IP6K3: variants seen among roughly 807,000 people sequenced by gnomAD.
IP6K3 encodes inositol hexakisphosphate kinase 3, also known as ATP:1D-myo-inositol-hexakisphosphate phosphotransferase.
IP6K3 carries 20 observed loss-of-function variants against 28.8 expected under a neutral mutation model. The observed-to-expected ratio is 0.70, with a 90% confidence interval of 0.49 to 1.01. The LOEUF is 1.01. Among genes scored for constraint, IP6K3 ranks in the 50% least tolerant of loss-of-function variants. IP6K3 has a pLI of 0.00. For missense variants in IP6K3, 480 were observed against 537.1 expected, an observed-to-expected ratio of 0.89 and a Z score of 1.05; for synonymous variants, 213 against 221.3, an observed-to-expected ratio of 0.96 and a Z score of 0.33.
chr6:33,747,931 A>G (rs1766957750), upstream of IP6K3, among the ~76,000 whole-genome samples: 1 of 152,048 alleles, frequency 6.6e-6, no homozygotes, highest in Non-Finnish European at 1.5e-5. This position sits in a 1 kb window ranked among gnomAD's most constrained non-coding sequence, Gnocchi z 5.2. Flanking sequence ...TGAGATGTTC[A>G]GGAATCAGGC....
At chr6:33,735,689 G>A in intron 1 of IP6K3, 34 bp from the exon 2 acceptor site, 2 of 1,256,998 alleles carry the variant, frequency 1.6e-6, no homozygotes, top group Non-Finnish European at 2.1e-6. Context: ...GAAGTTATAT[G>A]AGGGAGGTGG....
chr6:33,723,720 A>G (rs1765995817), intron 5 of IP6K3, among the ~76,000 whole-genome samples: 1 of 152,250 alleles, frequency 6.6e-6, no homozygotes, highest in Admixed American at 6.5e-5. Context: ...TTTGAAGATA[A>G]AAAGACAGGC....
chr6:33,743,003 T>C (rs904749172), intron 1 of IP6K3, among the ~76,000 whole-genome samples: 1 of 151,612 alleles, frequency 6.6e-6, no homozygotes, highest in African/African-American at 2.4e-5. Context: ...GAGTGTTGTG[T>C]GGAGGAGGAG....
At chr6:33,760,182 C>T in the IP6K3 span, among the ~76,000 whole-genome samples, 7 of 152,180 alleles carry the variant, frequency 4.6e-5, no homozygotes, top group Admixed American at 2.0e-4. Context: ...AAGCTTTGAC[C>T]CTACATTAGA....
At chr6:33,729,701 C>CT (rs1766249729) in intron 2 of IP6K3, among the ~76,000 whole-genome samples, 1 of 152,146 alleles carries the variant, frequency 6.6e-6, no homozygotes, top group African/African-American at 2.4e-5. Context: ...CAAACAGTTC[C>CT]TTTTTTCTTT....
At position 33,737,402 on chromosome 6, in the gene IP6K3, C is replaced by T. The variant is rs139981930; in HGVS notation, c.-179-1747G>A. Among the ~76,000 whole-genome samples the T allele has an allele frequency of 3.2e-3, 489 of 152,292 alleles. 1 individual carries two copies. Among genetic ancestry groups the T allele is most frequent in the African/African-American group, 6.5e-3 (272 of 41,582 alleles). ...CTGTCACCACCGAGTTATTAATACT[C>T]GCTCCCTCTGCTGGACTCCTGGTCA... On this transcript the variant is annotated intron_variant, in intron 1 of 5. Transcript: ENST00000293756.
At chr6:33,754,170 G>A in the IP6K3 span, among the ~76,000 whole-genome samples, 2 of 152,032 alleles carry the variant, frequency 1.3e-5, no homozygotes, top group African/African-American at 4.8e-5. Flanking sequence ...CAGAGGGAGC[G>A]GCCCCCCAGA....
At chr6:33,760,016 C>T in the IP6K3 span, among the ~76,000 whole-genome samples, 1 of 152,214 alleles carries the variant, frequency 6.6e-6, no homozygotes, top group Non-Finnish European at 1.5e-5. Flanking sequence ...TGGCTAAGGA[C>T]TCAGAGAGGG....
the IP6K3 span, among the ~76,000 whole-genome samples, chr6:33,757,751 G>T: frequency 0.12 from 18,248 of 152,236 alleles, 1,447 homozygotes; most frequent in Middle Eastern, 0.22. Flanking sequence ...CAAGGACAGG[G>T]AGAATAAGCC....
At chr6:33,755,418 G>A in the IP6K3 span, among the ~76,000 whole-genome samples, 1 of 152,244 alleles carries the variant, frequency 6.6e-6, no homozygotes, top group Non-Finnish European at 1.5e-5. Context: ...GCAGCCTCGA[G>A]CAGATGGAGA....
chr6:33,759,666 A>T, the IP6K3 span, among the ~76,000 whole-genome samples: 1 of 152,214 alleles, frequency 6.6e-6, no homozygotes, highest in Non-Finnish European at 1.5e-5. Context: ...GATCGAGACC[A>T]TCCTGGTTAA....
chr6:33,755,292 C>G, the IP6K3 span, among the ~76,000 whole-genome samples: 2 of 152,282 alleles, frequency 1.3e-5, no homozygotes. Context: ...CAGAGCTCCT[C>G]TGGTGCCCTT....
intron 2 of IP6K3, among the ~76,000 whole-genome samples, chr6:33,732,015 C>T (rs191549952): frequency 3.3e-5 from 5 of 152,332 alleles, no homozygotes; most frequent in Admixed American, 2.6e-4. Flanking sequence ...CGAGTAGCTT[C>T]CTGAGCCTCC....
the IP6K3 span, among the ~76,000 whole-genome samples, chr6:33,761,378 C>A: frequency 2.6e-5 from 4 of 152,128 alleles, no homozygotes; most frequent in African/African-American, 4.8e-5. Flanking sequence ...GAAAGATCCA[C>A]CCCCACTCCT....
chr6:33,751,483 C>CGTGTGTGTGTGTGTGTGTGTGTGT (rs762389623), upstream of IP6K3, among the ~76,000 whole-genome samples: 5 of 61,524 alleles, frequency 8.1e-5, no homozygotes, highest in African/African-American at 2.1e-4. This position sits in a 1 kb window ranked among gnomAD's most constrained non-coding sequence, Gnocchi z 4.3. Flanking sequence ...CTCTGCAGGC[C>CGTGTGTGTGTGTGTGTGTGTGTGT]GTGTGTGTGT....
Position 33,725,408 on chromosome 6 carries a change from G to A in IP6K3, c.765+33C>T, listed in dbSNP as rs750929937. On this transcript the variant is annotated intron_variant, in intron 5 of 5. Transcript: ENST00000293756. Reference sequence around the variant, plus strand: ...TGCCCCACCGTGGACGTGCCGGGATGTCCCCCCCTGTGGTGGGTCCCCTGC... The same window carrying A: ...TGCCCCACCGTGGACGTGCCGGGATATCCCCCCCTGTGGTGGGTCCCCTGC... The A allele has an allele frequency of 3.2e-6, 5 of 1,584,712 alleles. No homozygotes were observed. In the Admixed American group the frequency reaches 6.8e-5, roughly 22 times the overall value.
chr6:33,730,268 G>A (rs1224101813), intron 2 of IP6K3, among the ~76,000 whole-genome samples: 2 of 152,200 alleles, frequency 1.3e-5, no homozygotes, highest in Admixed American at 6.5e-5. Flanking sequence ...CTCGTTATCA[G>A]GGCTGCTCTA....
intron 5 of IP6K3, among the ~76,000 whole-genome samples, chr6:33,724,742 G>A (rs143770739): frequency 9.5e-4 from 145 of 152,218 alleles, no homozygotes; most frequent in African/African-American, 3.3e-3. Flanking sequence ...AAGAGAAGGA[G>A]GACTCAGGAA....
the IP6K3 span, among the ~76,000 whole-genome samples, chr6:33,754,850 T>C: frequency 6.6e-6 from 1 of 152,232 alleles, no homozygotes; most frequent in Non-Finnish European, 1.5e-5. Flanking sequence ...GCCCTTATTA[T>C]GTGCCAGGCA....
Sources: gnomAD v4.1 joint callset for allele counts (sites outside exome capture counted in the v4.1 genomes callset) on GRCh38, gnomAD v4.1.1 for gene constraint, Gnocchi (gnomAD v3.1) non-coding constraint, MANE v1.5 for transcripts, NCBI Gene and HGNC (gene_info 2026-07-23, HGNC 2026-07-21) for gene names.